Variants in IFT80 observed in about 807,000 individuals in gnomAD.
IFT80 encodes intraflagellar transport protein 80 homolog.
IFT80 carries 79 observed loss-of-function variants against 107.9 expected under a neutral mutation model. The ratio of observed to expected loss-of-function variants is 0.73; its 90% CI spans 0.61 to 0.88. The LOEUF is 0.88. Among genes scored for constraint, IFT80 ranks in the 40% least tolerant of loss-of-function variants. IFT80 has a pLI of 0.00. For missense variants in IFT80, 797 were observed against 914.2 expected (o/e 0.87, Z 1.65); for synonymous variants, 299 against 300.9 (o/e 0.99, Z 0.07).
intron 8 of IFT80, among the ~76,000 whole-genome samples, chr3:160,341,075 C>A (rs755211916): frequency 4.0e-5 from 6 of 151,486 alleles, no homozygotes; most frequent in Non-Finnish European, 1.5e-5. Context: ...AGTGCAGTGG[C>A]ACAATCATGG....
intron 18 of IFT80, among the ~76,000 whole-genome samples, chr3:160,273,038 C>T (rs1713943178): frequency 6.6e-6 from 1 of 152,128 alleles, no homozygotes; most frequent in Non-Finnish European, 1.5e-5. Context: ...GGAACCAATC[C>T]TTACCCATCT....
intron 6 of IFT80, among the ~76,000 whole-genome samples, chr3:160,358,236 C>T (rs1162748787): frequency 6.6e-6 from 1 of 151,788 alleles, no homozygotes; most frequent in Non-Finnish European, 1.5e-5. Flanking sequence ...TAGTCTCAAG[C>T]TCCTGGGCTC....
intron 9 of IFT80, among the ~76,000 whole-genome samples, chr3:160,309,984 G>A (rs974445837): frequency 3.3e-5 from 5 of 152,000 alleles, no homozygotes; most frequent in Admixed American, 2.0e-4. Flanking sequence ...AACTCGTGAT[G>A]TATTTTCATC....
At chr3:160,354,114 T>C (rs1409830102) in intron 8 of IFT80, among the ~76,000 whole-genome samples, 1 of 152,144 alleles carries the variant, frequency 6.6e-6, no homozygotes, top group Non-Finnish European at 1.5e-5. Flanking sequence ...AAATTGACAA[T>C]GTAAGAATGT....
chr3:160,390,798 T>G (rs7628815), intron 1 of IFT80, among the ~76,000 whole-genome samples: 1 of 152,198 alleles, frequency 6.6e-6, no homozygotes, highest in Non-Finnish European at 1.5e-5. Flanking sequence ...ATCAACCTAC[T>G]GGCCCAATCT....
intron 8 of IFT80, among the ~76,000 whole-genome samples, chr3:160,333,623 A>C (rs1293437205): frequency 6.6e-6 from 1 of 152,196 alleles, no homozygotes; most frequent in Non-Finnish European, 1.5e-5. Context: ...GGTCAGAATC[A>C]TCAATATCAC....
At chr3:160,383,243 T>C (rs1712666149) in intron 2 of IFT80, among the ~76,000 whole-genome samples, 2 of 152,210 alleles carry the variant, frequency 1.3e-5, no homozygotes, top group South Asian at 4.1e-4. Context: ...AAAAACATTG[T>C]TATTCTTTGG....
At chr3:160,299,798 T>C (rs1250798093) in intron 12 of IFT80, among the ~76,000 whole-genome samples, 1 of 152,166 alleles carries the variant, frequency 6.6e-6, no homozygotes, top group African/African-American at 2.4e-5. Context: ...GATTTAAACA[T>C]ACCAGGACCA....
At chr3:160,301,459 A>C (rs993121342) in intron 11 of IFT80, among the ~76,000 whole-genome samples, 1 of 151,964 alleles carries the variant, frequency 6.6e-6, no homozygotes, top group Admixed American at 6.6e-5. Flanking sequence ...TATATTTTAT[A>C]ACTAAAGATT....
intron 3 of IFT80, among the ~76,000 whole-genome samples, chr3:160,380,696 C>A (rs1444369525): frequency 1.3e-5 from 2 of 149,678 alleles, no homozygotes; most frequent in Admixed American, 6.6e-5. Flanking sequence ...AAAAACATAC[C>A]CTTAAAAAGT....
intron 5 of IFT80, among the ~76,000 whole-genome samples, chr3:160,367,215 T>C (rs1333243339): frequency 6.6e-6 from 1 of 152,130 alleles, no homozygotes; most frequent in African/African-American, 2.4e-5. Context: ...ATCTTGGTAT[T>C]GTGAACAGAG....
chr3:160,280,637 A>C, intron 15 of IFT80, 30 bp downstream of exon 15: 1 of 1,590,288 alleles, frequency 6.3e-7, no homozygotes, highest in Non-Finnish European at 8.6e-7. Flanking sequence ...TATTTACTAC[A>C]AAACAGAATT....
chr3:160,299,221 CA>C, intron 12 of IFT80: 3 of 1,129,864 alleles, frequency 2.7e-6, no homozygotes, highest in South Asian at 2.1e-5. Context: ...CTTTCTTAGC[CA>C]AAAAGGAAGT....
chr3:160,306,506 C>A (rs1189442003), intron 10 of IFT80, among the ~76,000 whole-genome samples: 1 of 152,090 alleles, frequency 6.6e-6, no homozygotes, highest in Non-Finnish European at 1.5e-5. Context: ...AATCCCTTCC[C>A]CACATCTCAA....
chr3:160,274,856 G>A (rs62272171), intron 18 of IFT80, among the ~76,000 whole-genome samples: 4,348 of 152,276 alleles, frequency 0.029, 105 homozygotes, highest in Middle Eastern at 0.071. Flanking sequence ...GGAGGCAGAA[G>A]TTGCAGTGAG....
chr3:160,313,031 T>C (rs1717519281), intron 9 of IFT80, among the ~76,000 whole-genome samples: 1 of 90,858 alleles, frequency 1.1e-5, no homozygotes, highest in African/African-American at 4.4e-5. Flanking sequence ...ATATATTATA[T>C]ATAAATATAT....
At chr3:160,293,886 G>A (rs1715765708) in intron 12 of IFT80, among the ~76,000 whole-genome samples, 1 of 152,130 alleles carries the variant, frequency 6.6e-6, no homozygotes, top group Non-Finnish European at 1.5e-5. Context: ...AACCCCAAAA[G>A]TATTCTCTAG....
chr3:160,384,682 C>G, intron 1 of IFT80, 36 bp from the exon 2 acceptor site: 1 of 1,500,774 alleles, frequency 6.7e-7, no homozygotes, highest in East Asian at 2.3e-5. Context: ...ATAAAGTCAG[C>G]ATTAAAAACA....
Position 160,285,851 on chromosome 3 carries a change from C to T in IFT80, c.1333G>A (p.Ala445Thr). The T allele has an allele frequency of 2.5e-6, 4 of 1,610,024 alleles. No homozygotes were observed. Among genetic ancestry groups the T allele is most frequent in the South Asian group, 1.1e-5 (1 of 90,738 alleles). ...ADEKIIFLFEASTGKPLGDGK... is the reference protein window; with the variant it reads ...ADEKIIFLFETSTGKPLGDGK... ...TCACCTAACGGCTTTCCGGTTGATGCCTCAAAGAGGAAGATTACTTGAAAA... is the reference window on the plus strand; with the variant it reads ...TCACCTAACGGCTTTCCGGTTGATGTCTCAAAGAGGAAGATTACTTGAAAA... The change falls in exon 13 of 20, where the codon GCA (alanine) becomes ACA (threonine). Residue 445 changes from alanine (A) to threonine (T), a missense_variant. Physicochemically the swap from Ala to Thr is moderately conservative, Grantham distance 58 (BLOSUM62 0). Coordinates refer to ENST00000326448, the MANE Select transcript of IFT80 (RefSeq NM_020800.3).
Sources: allele counts gnomAD v4.1 joint callset (sites outside exome capture counted in the v4.1 genomes callset), GRCh38; gene constraint gnomAD v4.1.1; transcripts MANE v1.5; gene names NCBI Gene and HGNC (gene_info 2026-07-23, HGNC 2026-07-21).